RBFOX1: variants seen among roughly 807,000 people sequenced by gnomAD.
RBFOX1 encodes the protein RNA binding fox-1 homolog 1.
RBFOX1 carries 8 observed loss-of-function variants against 57.7 expected under a neutral mutation model. The observed-to-expected ratio is 0.14, with a 90% CI of 0.08 to 0.25. RBFOX1 has a LOEUF of 0.25. Ranked by LOEUF, RBFOX1 falls within the 10% of genes least tolerant of loss-of-function variation. The pLI is 1.00. For missense variants in RBFOX1, 611 were observed against 548.5 expected, an observed-to-expected ratio of 1.11 and a Z score of -1.14; for synonymous variants, 326 against 222.4, an observed-to-expected ratio of 1.47 and a Z score of -4.15.
At chr16:5,591,713 A>G (rs7185010) in intron 2 of RBFOX1, among the ~76,000 whole-genome samples, 30,067 of 152,060 alleles carry the variant, frequency 0.2, 3,326 homozygotes, top group East Asian at 0.32. Flanking sequence ...ATATAAAGCT[A>G]CCTCATTATC....
At chr16:7,622,355 G>A (rs967960082) in intron 10 of RBFOX1, among the ~76,000 whole-genome samples, 1 of 152,220 alleles carries the variant, frequency 6.6e-6, no homozygotes, top group Non-Finnish European at 1.5e-5. Context: ...AGGATACCCA[G>A]TGATTCTCAG....
At chr16:7,399,279 C>G (rs1203954970) in intron 4 of RBFOX1, among the ~76,000 whole-genome samples, 2 of 152,162 alleles carry the variant, frequency 1.3e-5, no homozygotes. Flanking sequence ...GAAACCCCAT[C>G]TCTACTAAAA....
intron 4 of RBFOX1, among the ~76,000 whole-genome samples, chr16:7,160,851 C>T (rs966898661): frequency 1.3e-5 from 2 of 151,136 alleles, no homozygotes; most frequent in African/African-American, 4.9e-5. Context: ...CCTCCTCCTC[C>T]TCCTCCTTCT....
intron 1 of RBFOX1, among the ~76,000 whole-genome samples, chr16:6,189,173 G>A (rs904587530): frequency 7.9e-5 from 12 of 152,198 alleles, no homozygotes; most frequent in Non-Finnish European, 1.6e-4. Context: ...GCAGCTGTCA[G>A]ATGGATATTA....
At chr16:6,674,674 G>A (rs1337665895) in intron 3 of RBFOX1, among the ~76,000 whole-genome samples, 8 of 152,038 alleles carry the variant, frequency 5.3e-5, no homozygotes, top group Non-Finnish European at 1.2e-4. Context: ...GTAGACTCAC[G>A]GGGAAGAAAC....
intron 3 of RBFOX1, among the ~76,000 whole-genome samples, chr16:5,709,843 ATTTTTTTTTTTTTTTTTTTTT>A (rs35733374): frequency 5.7e-4 from 7 of 12,308 alleles, no homozygotes; most frequent in East Asian, 5.2e-3. Context: ...ATATATATAT[ATTTTTTTTTTTTTTTTTTTTT>A]TTTTTTTTTT....
intron 1 of RBFOX1, among the ~76,000 whole-genome samples, chr16:6,184,488 C>T (rs1394422542): frequency 6.6e-6 from 1 of 152,022 alleles, no homozygotes; most frequent in Non-Finnish European, 1.5e-5. Flanking sequence ...ACTATATGAT[C>T]GTATGCTTAG....
At chr16:7,085,854 C>A (rs1432318120) in intron 4 of RBFOX1, among the ~76,000 whole-genome samples, 1 of 152,126 alleles carries the variant, frequency 6.6e-6, no homozygotes, top group African/African-American at 2.4e-5. Flanking sequence ...CACTGAAAAT[C>A]CTGCATCCCA....
intron 3 of RBFOX1, among the ~76,000 whole-genome samples, chr16:6,841,983 A>T (rs1384390949): frequency 1.3e-5 from 2 of 150,908 alleles, no homozygotes; most frequent in African/African-American, 4.9e-5. Context: ...TTAAAAAAAA[A>T]ATACAAAAAA....
At chr16:5,430,197 C>T (rs1282354076) in intron 1 of RBFOX1, among the ~76,000 whole-genome samples, 1 of 152,112 alleles carries the variant, frequency 6.6e-6, no homozygotes, top group East Asian at 1.9e-4. Context: ...AGGTCGATGG[C>T]AAGCAGATAA....
chr16:6,747,096 A>T (rs1025468378), intron 3 of RBFOX1, among the ~76,000 whole-genome samples: 3 of 152,168 alleles, frequency 2.0e-5, no homozygotes, highest in African/African-American at 7.2e-5. Flanking sequence ...ATACCATGCC[A>T]AATGGGAGAT....
chr16:7,092,940 G>A (rs530876833), intron 4 of RBFOX1, among the ~76,000 whole-genome samples: 39 of 152,138 alleles, frequency 2.6e-4, no homozygotes, highest in South Asian at 8.3e-4. Context: ...GTTAGTTGAC[G>A]CATTCGTTGA....
At chr16:6,061,248 T>C (rs1190219358) in intron 1 of RBFOX1, among the ~76,000 whole-genome samples, 2 of 152,130 alleles carry the variant, frequency 1.3e-5, no homozygotes, top group Admixed American at 1.3e-4. Flanking sequence ...TAGAAAGTAG[T>C]GTGCGAAGTT....
intron 1 of RBFOX1, among the ~76,000 whole-genome samples, chr16:6,154,417 A>G (rs1372411226): frequency 6.6e-6 from 1 of 152,218 alleles, no homozygotes; most frequent in Non-Finnish European, 1.5e-5. Context: ...TGTAACTGTA[A>G]AATAACTATG....
intron 2 of RBFOX1, among the ~76,000 whole-genome samples, chr16:6,527,328 A>G (rs780678024): frequency 2.6e-5 from 4 of 151,588 alleles, no homozygotes; most frequent in Non-Finnish European, 5.9e-5. Flanking sequence ...AGGGGTGTGT[A>G]TGTGTGTGTA....
At chr16:7,627,969 G>A (rs1284461873) in intron 10 of RBFOX1, among the ~76,000 whole-genome samples, 1 of 151,214 alleles carries the variant, frequency 6.6e-6, no homozygotes, top group African/African-American at 2.4e-5. Flanking sequence ...TTCAGTCCAG[G>A]TTCTCAGAAT....
intron 4 of RBFOX1, among the ~76,000 whole-genome samples, chr16:7,076,350 G>T (rs558471496): frequency 1.3e-5 from 2 of 151,968 alleles, no homozygotes; most frequent in East Asian, 3.9e-4. Context: ...CTTTATGGTA[G>T]AATTAAGTAG....
chr16:6,757,451 A>G (rs780070011), intron 3 of RBFOX1, among the ~76,000 whole-genome samples: 1 of 152,232 alleles, frequency 6.6e-6, no homozygotes, highest in East Asian at 1.9e-4. Context: ...ACAACAGAAT[A>G]CTATTCAGCC....
chr16:7,473,657 C>G (rs1026957929), intron 4 of RBFOX1, among the ~76,000 whole-genome samples: 1 of 151,644 alleles, frequency 6.6e-6, no homozygotes, highest in African/African-American at 2.4e-5. Context: ...CTTTATATGG[C>G]TAAATTTAAT....
Sources: gnomAD v4.1 joint callset for allele counts (sites outside exome capture counted in the v4.1 genomes callset) on GRCh38, gnomAD v4.1.1 for gene constraint, MANE v1.5 for transcripts, NCBI Gene and HGNC (gene_info 2026-07-23, HGNC 2026-07-21) for gene names.